Variants in KCNG2 observed in about 807,000 individuals in gnomAD.
The protein encoded by KCNG2 is voltage-gated potassium channel regulatory subunit KCNG2.
In KCNG2, 7 loss-of-function variants were observed where a neutral mutation model predicts 12.3. The ratio of observed to expected loss-of-function variants is 0.57; its 90% CI spans 0.32 to 1.07. KCNG2 has a LOEUF of 1.07. KCNG2 is among the 50% of genes least tolerant of loss of function. The pLI is 0.04. For synonymous variants in KCNG2, 414 were observed against 351.4 expected (o/e 1.18, Z -1.99); for missense variants, 703 against 726.0 (o/e 0.97, Z 0.36).
intron 3 of KCNG2, among the ~76,000 whole-genome samples, chr18:79,868,302 G>A (rs768182275): frequency 2.0e-5 from 3 of 152,168 alleles, no homozygotes; most frequent in Non-Finnish European, 4.4e-5. Flanking sequence ...GTCCAGTTAA[G>A]AAGCAGTCGC....
chr18:79,863,904 C>A lies in KCNG2; in HGVS notation c.237C>A (p.Arg79=). 1 of 1,433,318 alleles carries A rather than the reference C, an allele frequency of 7.0e-7. No homozygotes were observed. Among genetic ancestry groups the A allele is most frequent in the Non-Finnish European group, 9.2e-7 (1 of 1,089,436 alleles). The allele number at this position is 1,433,318 out of a possible 1,614,324, so 88.8% of individuals were successfully genotyped here. The change falls in exon 3 of 4, where the codon CGC becomes CGA. Residue 79 remains arginine, a synonymous_variant. Coordinates refer to ENST00000316249, the MANE Select transcript of KCNG2 (RefSeq NM_012283.2). ...FFFDRSPCAF[R]AIVALLRAGK... ...TCGACCGCAGCCCGTGCGCCTTCCG[C>A]GCCATCGTGGCGCTTTTGCGCGCAG...
chr18:79,877,395 C>T (rs1480342284), intron 3 of KCNG2, among the ~76,000 whole-genome samples: 2 of 152,118 alleles, frequency 1.3e-5, no homozygotes, highest in African/African-American at 4.8e-5. Flanking sequence ...AGAAAGCTTC[C>T]AGGAGATACA....
At chr18:79,802,358 G>A (rs1388567747) in intron 1 of KCNG2, among the ~76,000 whole-genome samples, 1 of 152,212 alleles carries the variant, frequency 6.6e-6, no homozygotes, top group Admixed American at 6.5e-5. Flanking sequence ...TGCCGCTCCG[G>A]TCCGGAGAGC....
chr18:79,801,220 T>A (rs1251069695), intron 1 of KCNG2, among the ~76,000 whole-genome samples: 1 of 152,262 alleles, frequency 6.6e-6, no homozygotes, highest in Non-Finnish European at 1.5e-5. Context: ...ATTATGAGTT[T>A]AGAAAAAGGC....
intron 1 of KCNG2, among the ~76,000 whole-genome samples, chr18:79,805,246 A>G (rs1259616906): frequency 6.6e-6 from 1 of 152,224 alleles, no homozygotes; most frequent in Non-Finnish European, 1.5e-5. Context: ...CATCCTTCTC[A>G]TTCTCCGCCT....
chr18:79,883,930 G>A (rs1325388520), intron 3 of KCNG2, among the ~76,000 whole-genome samples: 1 of 152,102 alleles, frequency 6.6e-6, no homozygotes, highest in African/African-American at 2.4e-5. Flanking sequence ...GCACGTCCAC[G>A]AGGGCTCCAT....
intron 1 of KCNG2, among the ~76,000 whole-genome samples, chr18:79,848,740 G>A (rs55697906): frequency 0.018 from 2,693 of 152,232 alleles, 31 homozygotes; most frequent in Non-Finnish European, 0.026. Context: ...TGTGTATTTC[G>A]CTGAAGAAGC....
At chr18:79,811,097 A>G (rs937148741) in intron 1 of KCNG2, among the ~76,000 whole-genome samples, 1 of 152,260 alleles carries the variant, frequency 6.6e-6, no homozygotes, top group African/African-American at 2.4e-5. Flanking sequence ...AAAGAAATGG[A>G]AAGACATCCC....
At chr18:79,853,380 G>A (rs1978893384) in intron 1 of KCNG2, among the ~76,000 whole-genome samples, 1 of 152,118 alleles carries the variant, frequency 6.6e-6, no homozygotes, top group African/African-American at 2.4e-5. Flanking sequence ...TGGGGTGAGG[G>A]GTCACCGTAG....
intron 1 of KCNG2, among the ~76,000 whole-genome samples, chr18:79,814,120 A>T (rs919655783): frequency 6.6e-6 from 1 of 152,242 alleles, no homozygotes; most frequent in Non-Finnish European, 1.5e-5. Context: ...GCTGACAAAG[A>T]TGCAGAGAAA....
chr18:79,879,766 C>T (rs1258996095), intron 3 of KCNG2, among the ~76,000 whole-genome samples: 1 of 152,114 alleles, frequency 6.6e-6, no homozygotes, highest in Non-Finnish European at 1.5e-5. Flanking sequence ...CACGAATCCC[C>T]CAAGGCTGAA....
In KCNG2 at chr18:79,864,204, C is replaced by T. The variant is rs765638471; in HGVS notation, c.537C>T (p.Phe179=). 3 of 1,541,178 alleles carry T rather than the reference C, an allele frequency of 1.9e-6. No homozygotes were observed. The highest frequency in any genetic ancestry group is 1.7e-6 in the Non-Finnish European group (2 of 1,148,306). ...ACTCGGGGCTGGCGGGCAAGCTCTT[C>T]GCCTGCGTGTCCGTGTCCTTCGTGG... ...NPHSGLAGKL[F]ACVSVSFVAV... is the part of the protein sequence containing the mutation. The change falls in exon 3 of 4, where the codon TTC becomes TTT. Residue 179 remains phenylalanine (F), a synonymous_variant. Transcript: ENST00000316249.
At chr18:79,827,993 G>A (rs1978287471) in intron 1 of KCNG2, among the ~76,000 whole-genome samples, 2 of 148,176 alleles carry the variant, frequency 1.3e-5, no homozygotes, top group Non-Finnish European at 1.5e-5. Context: ...GCGTTGTCAA[G>A]GCTCACTGCA....
chr18:79,800,092 G>A lies in KCNG2; in HGVS notation c.-115+2078G>A, dbSNP rs181426235. Among the ~76,000 whole-genome samples, 22 of 152,252 alleles carry A rather than the reference G, an allele frequency of 1.4e-4. No individual in the cohort carries two copies. The highest frequency in any genetic ancestry group is 2.4e-4 in the Non-Finnish European group (16 of 68,022). ...CAGGCAGGCACCTGGAGGGCAGCGC[G>A]AACGGAGGGCTGTTTGTCGTGGGAG... On this transcript the variant is annotated intron_variant, in intron 1 of 3. Transcript: ENST00000316249. This position sits in a 1 kb window ranked among gnomAD's most constrained non-coding sequence, Gnocchi z 4.0.
chr18:79,810,004 A>G lies in KCNG2; in HGVS notation c.-115+11990A>G, dbSNP rs536989613. Among the ~76,000 whole-genome samples the G allele has an allele frequency of 5.3e-5, 8 of 152,330 alleles. No homozygotes were observed. The South Asian group carries it at 1.7e-3, about 32-fold the overall frequency. On this transcript the variant is annotated intron_variant, in intron 1 of 3. Coordinates refer to ENST00000316249, the MANE Select transcript of KCNG2 (RefSeq NM_012283.2). ...GTGGGTTCTGGTCTCAGCGCCGTCC[A>G]CAGGGCCAGCCTCGCGGAGCCGCCC...
chr18:79,894,539 T>C (rs1202912931), intron 3 of KCNG2, among the ~76,000 whole-genome samples: 1 of 151,728 alleles, frequency 6.6e-6, no homozygotes, highest in Non-Finnish European at 1.5e-5. Flanking sequence ...GTTCACTCCA[T>C]TCATAACGAT....
At chr18:79,865,985 T>G (rs1385163102) in intron 3 of KCNG2, among the ~76,000 whole-genome samples, 1 of 140,574 alleles carries the variant, frequency 7.1e-6, no homozygotes, top group Admixed American at 7.0e-5. Context: ...TGCCGAGGTC[T>G]GGGTGCTGAG....
rs114248092 is a variant in KCNG2, at chr18:79,806,654, C to T, written c.-115+8640C>T. 3.3e-3 allele frequency among the ~76,000 whole-genome samples: 506 copies of T among 152,306 alleles called. 5 individuals are homozygous for T. The highest frequency in any genetic ancestry group is 0.012 in the African/African-American group (488 of 41,552). On this transcript the variant is annotated intron_variant, in intron 1 of 3. Coordinates refer to ENST00000316249, the MANE Select transcript of KCNG2 (RefSeq NM_012283.2). Reference sequence around the variant, plus strand: ...ATTAATACTTGCTAGGAGGAAGCATCAGAACATGGATTCTCTAACTCTTCC... The same window carrying T: ...ATTAATACTTGCTAGGAGGAAGCATTAGAACATGGATTCTCTAACTCTTCC...
In KCNG2 at chr18:79,800,451, G is replaced by A. The variant is rs1271943166; in HGVS notation, c.-115+2437G>A. Among the ~76,000 whole-genome samples, 3 of 152,324 alleles carry A rather than the reference G, an allele frequency of 2.0e-5. No homozygotes were observed. The highest frequency in any genetic ancestry group is 3.9e-4 in the East Asian group (2 of 5,180). ...CAGGTAGCCCAGCCGGTAGGCATGA[G>A]TCCAACGAGGGCGGGCATTGACCGA... On this transcript the variant is annotated intron_variant, in intron 1 of 3. Transcript: ENST00000316249. The surrounding 1 kb of genome is among the most constrained non-coding windows in gnomAD (Gnocchi z 4.0).
Sources: allele counts gnomAD v4.1 joint callset (sites outside exome capture counted in the v4.1 genomes callset), GRCh38; gene constraint gnomAD v4.1.1; non-coding constraint Gnocchi (gnomAD v3.1); transcripts MANE v1.5; gene names NCBI Gene and HGNC (gene_info 2026-07-23, HGNC 2026-07-21).